IKZF2: variants seen among roughly 807,000 people sequenced by gnomAD.
IKZF2 encodes zinc finger protein Helios.
In IKZF2, 15 loss-of-function variants were observed where a neutral mutation model predicts 49.2. That is an observed-to-expected ratio of 0.30 (90% confidence interval 0.20 to 0.47). The LOEUF (loss-of-function observed/expected upper bound fraction) is 0.47. Ranked by LOEUF, IKZF2 falls within the 20% of genes least tolerant of loss-of-function variation. IKZF2 has a pLI of 1.00. For missense variants in IKZF2, 567 were observed against 664.6 expected (o/e 0.85, Z 1.61); for synonymous variants, 227 against 221.4 (o/e 1.03, Z -0.23).
At chr2:213,145,081 T>C (rs1362832706) in intron 4 of IKZF2, among the ~76,000 whole-genome samples, 3 of 151,600 alleles carry the variant, frequency 2.0e-5, no homozygotes, top group African/African-American at 7.3e-5. Flanking sequence ...GCTGGGACCT[T>C]ACAGTAGTAC....
chr2:213,104,182 G>A (rs1251592967), intron 4 of IKZF2, among the ~76,000 whole-genome samples: 2 of 151,234 alleles, frequency 1.3e-5, no homozygotes, highest in South Asian at 4.2e-4. Flanking sequence ...TGAGGTTACC[G>A]CACAAGTGTT....
At chr2:213,123,415 T>C (rs970004682) in intron 4 of IKZF2, among the ~76,000 whole-genome samples, 1 of 152,200 alleles carries the variant, frequency 6.6e-6, no homozygotes, top group Non-Finnish European at 1.5e-5. Context: ...GTTTCCAAAA[T>C]AGGCATAGTT....
intron 4 of IKZF2, among the ~76,000 whole-genome samples, chr2:213,143,607 A>C (rs781428342): frequency 4.6e-5 from 7 of 151,944 alleles, no homozygotes; most frequent in Non-Finnish European, 8.8e-5. Flanking sequence ...GGGTATATAC[A>C]CAAACCTAAG....
intron 4 of IKZF2, among the ~76,000 whole-genome samples, chr2:213,078,027 G>A (rs977397600): frequency 1.3e-5 from 2 of 151,610 alleles, no homozygotes; most frequent in Non-Finnish European, 1.5e-5. Flanking sequence ...ATTCCTTTCC[G>A]TCTTAAGAGC....
At chr2:213,042,917 T>G (rs1699800258) in intron 6 of IKZF2, among the ~76,000 whole-genome samples, 1 of 152,102 alleles carries the variant, frequency 6.6e-6, no homozygotes, top group African/African-American at 2.4e-5. Context: ...AAACTGCATT[T>G]TCCATGTTAC....
At chr2:213,151,025 G>A (rs1035618358) in intron 1 of IKZF2, among the ~76,000 whole-genome samples, 1 of 151,324 alleles carries the variant, frequency 6.6e-6, no homozygotes, top group African/African-American at 2.4e-5. Context: ...AGCAAAACAA[G>A]TCCAAATTCA....
intron 6 of IKZF2, among the ~76,000 whole-genome samples, chr2:213,041,495 G>A (rs763134269): frequency 4.6e-5 from 7 of 151,918 alleles, no homozygotes; most frequent in African/African-American, 1.2e-4. Flanking sequence ...GTAGAAACAC[G>A]GTTTCACCAT....
chr2:213,102,982 G>A (rs564770891), intron 4 of IKZF2, among the ~76,000 whole-genome samples: 175 of 152,232 alleles, frequency 1.1e-3, no homozygotes, highest in Non-Finnish European at 2.2e-3. Context: ...TGGACCCAAG[G>A]AAATAACTGG....
At position 213,048,910 on chromosome 2, in the gene IKZF2, T is replaced by A. The variant is rs1700419510; in HGVS notation, c.574+803A>T. ...CATATTAAAATTAAAATTTAGTATG[T>A]CATTATGAACAGAAGAAACAAATAA... On this transcript the variant is annotated intron_variant, in intron 6 of 8. Transcript: ENST00000434687. Among the ~76,000 whole-genome samples, 2 of 152,004 alleles carry A rather than the reference T, an allele frequency of 1.3e-5. 1 individual carries two copies. Among genetic ancestry groups the A allele is most frequent in the Non-Finnish European group, 2.9e-5 (2 of 67,928 alleles).
intron 6 of IKZF2, among the ~76,000 whole-genome samples, chr2:213,048,980 C>A (rs1324008553): frequency 6.6e-6 from 1 of 151,926 alleles, no homozygotes; most frequent in Non-Finnish European, 1.5e-5. Context: ...CCTTTAACTT[C>A]TTGGTTATGA....
chr2:213,033,220 T>C (rs1698658145), intron 6 of IKZF2, among the ~76,000 whole-genome samples: 1 of 152,252 alleles, frequency 6.6e-6, no homozygotes, highest in East Asian at 1.9e-4. Flanking sequence ...ACTCTAGTTA[T>C]GTTGCTGTTT....
intron 4 of IKZF2, among the ~76,000 whole-genome samples, chr2:213,104,261 C>CA (rs75972033): frequency 0.13 from 10,417 of 78,006 alleles, 949 homozygotes; most frequent in African/African-American, 0.32. Context: ...TTCTAACGGA[C>CA]AAAAAAAAAA....
chr2:213,013,773 A>G lies in IKZF2; in HGVS notation c.856+18T>C. 1.3e-6 allele frequency: 2 copies of G among 1,595,148 alleles called. No homozygotes were observed. On this transcript the variant is annotated intron_variant, in intron 8 of 8. Coordinates refer to ENST00000434687, the MANE Select transcript of IKZF2 (RefSeq NM_001387220.1). Reference sequence around the variant, plus strand: ...TAACATCACCTTGCAAAGAAACAAAAGCATTTGTAATGCTTACCCACAAAC... The same window carrying G: ...TAACATCACCTTGCAAAGAAACAAAGGCATTTGTAATGCTTACCCACAAAC...
chr2:213,141,306 A>C (rs2060861854), intron 4 of IKZF2, among the ~76,000 whole-genome samples: 1 of 151,996 alleles, frequency 6.6e-6, no homozygotes, highest in Admixed American at 6.6e-5. Context: ...GTCCCCATCC[A>C]CAATCTTTTT....
intron 5 of IKZF2, among the ~76,000 whole-genome samples, chr2:213,053,799 C>T (rs747913143): frequency 3.5e-4 from 53 of 152,172 alleles, no homozygotes; most frequent in Middle Eastern, 3.2e-3. Context: ...TGATTACTTA[C>T]TAAAGTAGCA....
At chr2:213,091,308 C>T (rs1412875122) in intron 4 of IKZF2, among the ~76,000 whole-genome samples, 3 of 152,120 alleles carry the variant, frequency 2.0e-5, no homozygotes, top group Non-Finnish European at 4.4e-5. Context: ...TCATTCTGAA[C>T]TTAATTCCAT....
At chr2:213,065,958 CTGAGT>C (rs1406949414) in intron 4 of IKZF2, among the ~76,000 whole-genome samples, 1 of 152,048 alleles carries the variant, frequency 6.6e-6, no homozygotes, top group African/African-American at 2.4e-5. Flanking sequence ...AGAAAGTTGT[CTGAGT>C]AAGCCTGTTT....
chr2:213,039,211 C>G (rs1033154533), intron 6 of IKZF2, among the ~76,000 whole-genome samples: 3 of 151,806 alleles, frequency 2.0e-5, no homozygotes, highest in African/African-American at 4.8e-5. Flanking sequence ...CATAACTGAA[C>G]AAAATATAAA....
intron 6 of IKZF2, among the ~76,000 whole-genome samples, chr2:213,044,038 G>C (rs10201356): frequency 0.99 from 151,174 of 152,370 alleles, 75,003 homozygotes; most frequent in Middle Eastern, 1. Flanking sequence ...AATTGGCTCC[G>C]TTGTCCTCTG....
Sources: gnomAD v4.1 joint callset for allele counts (sites outside exome capture counted in the v4.1 genomes callset) on GRCh38, gnomAD v4.1.1 for gene constraint, MANE v1.5 for transcripts, NCBI Gene and HGNC (gene_info 2026-07-23, HGNC 2026-07-21) for gene names.